Variants in KLHL6 observed in about 807,000 individuals in gnomAD.
The protein encoded by KLHL6 is kelch-like protein 6.
Under a neutral mutation model 58.6 loss-of-function variants are expected in KLHL6, and 41 were observed. The observed-to-expected ratio is 0.70, with a 90% CI of 0.55 to 0.91. KLHL6 has a LOEUF of 0.91. Among genes scored for constraint, KLHL6 ranks in the 40% least tolerant of loss-of-function variants. The probability of loss-of-function intolerance (pLI) is 0.00; values close to 1 mark genes in which losing one functional copy is unlikely to be tolerated. For synonymous variants in KLHL6, 338 were observed against 322.7 expected, an observed-to-expected ratio of 1.05 and a Z score of -0.51; for missense variants, 714 against 805.6, an observed-to-expected ratio of 0.89 and a Z score of 1.38.
chr3:183,543,684 C>A (rs1164227263), intron 1 of KLHL6, among the ~76,000 whole-genome samples: 1 of 152,224 alleles, frequency 6.6e-6, no homozygotes, highest in Admixed American at 6.5e-5. Flanking sequence ...ACTCAGCCCT[C>A]CATAAACCTG....
At position 183,494,101 on chromosome 3, in the gene KLHL6, G is replaced by A. The variant is rs1560090189; in HGVS notation, c.1328C>T (p.Pro443Leu). Residue 443 changes from proline (P) to leucine (L), a missense_variant, in exon 5 of 7, where the codon CCC becomes CTC. Pro to Leu is a moderately conservative substitution (Grantham distance 98). Coordinates refer to ENST00000341319, the MANE Select transcript of KLHL6 (RefSeq NM_130446.4). ...QRINNVETYD[P>L]FHNCWSEAAP... Reference sequence around the variant, plus strand: ...TACCTCTGACCAGCAGTTGTGAAAGGGGTCGTAGGTCTCCACATTGTTGAT... The same window carrying A: ...TACCTCTGACCAGCAGTTGTGAAAGAGGTCGTAGGTCTCCACATTGTTGAT... 1 of 1,614,018 alleles carries A rather than the reference G, an allele frequency of 6.2e-7. No individual in the cohort carries two copies.
Position 183,534,132 on chromosome 3 carries a change from G to A in KLHL6, c.294-6122C>T, listed in dbSNP as rs535753701. 9.6e-3 allele frequency among the ~76,000 whole-genome samples: 154 copies of A among 16,108 alleles called. 3 individuals carry two copies. Among genetic ancestry groups the A allele is most frequent in the African/African-American group, 0.017 (139 of 8,422 alleles). 10.6% of individuals were successfully genotyped at this position (16,108 alleles called of 152,430 possible). A position where few individuals can be genotyped will look rare whatever the true frequency, so the allele number is the denominator to read the frequency against. ...AAGTACTTTACTTTTAAAGTACTTT[G>A]TACTTTTAAAGTACTTTAAAAGTAC... On this transcript the variant is annotated intron_variant, in intron 1 of 6. Coordinates refer to ENST00000341319, the MANE Select transcript of KLHL6 (RefSeq NM_130446.4).
At chr3:183,512,123 C>A (rs1233195104) in intron 2 of KLHL6, among the ~76,000 whole-genome samples, 1 of 152,192 alleles carries the variant, frequency 6.6e-6, no homozygotes, top group Non-Finnish European at 1.5e-5. Flanking sequence ...CTCGTGAGCC[C>A]TCAGAACTGG....
At chr3:183,523,121 A>C (rs1450423930) in intron 2 of KLHL6, 1 of 152,166 alleles carries the variant, frequency 6.6e-6, no homozygotes, top group Admixed American at 6.5e-5. Context: ...AGTTTTTGAG[A>C]AGTCCTTACA....
chr3:183,544,163 CAAA>C (rs56357226), intron 1 of KLHL6, among the ~76,000 whole-genome samples: 17 of 57,006 alleles, frequency 3.0e-4, no homozygotes, highest in African/African-American at 7.2e-4. Flanking sequence ...AACTCAGTCT[CAAA>C]AAAAAAAAAA....
intron 1 of KLHL6, among the ~76,000 whole-genome samples, chr3:183,534,000 A>G (rs1712243779): frequency 7.0e-6 from 1 of 142,088 alleles, no homozygotes; most frequent in South Asian, 2.2e-4. Flanking sequence ...TGACCAATTT[A>G]CAGACCAGTT....
In KLHL6 at chr3:183,548,277, T is replaced by C. The variant is rs75304762; in HGVS notation, c.293+7084A>G. On this transcript the variant is annotated intron_variant, in intron 1 of 6. Transcript: ENST00000341319. Reference sequence around the variant, plus strand: ...ATATGGCACACTCTGTAAGTGACAGTGACCTGTGAGGGCAGCCCTGCTGTG... The same window carrying C: ...ATATGGCACACTCTGTAAGTGACAGCGACCTGTGAGGGCAGCCCTGCTGTG... 1.0e-2 allele frequency among the ~76,000 whole-genome samples: 1,517 copies of C among 152,294 alleles called. 18 individuals are homozygous for C. Among genetic ancestry groups the C allele is most frequent in the African/African-American group, 0.035 (1,441 of 41,556 alleles).
chr3:183,539,843 A>T (rs1468527481), intron 1 of KLHL6, among the ~76,000 whole-genome samples: 12 of 152,184 alleles, frequency 7.9e-5, no homozygotes, highest in Non-Finnish European at 1.5e-4. Flanking sequence ...GAATCCCTCC[A>T]AGTCCCACCA....
At chr3:183,531,804 A>G (rs374404549) in intron 1 of KLHL6, among the ~76,000 whole-genome samples, 46 of 152,254 alleles carry the variant, frequency 3.0e-4, no homozygotes, top group African/African-American at 1.1e-3. Flanking sequence ...TTGTCCCATT[A>G]TTGTATTTTG....
At chr3:183,538,239 A>G (rs1224295771) in intron 1 of KLHL6, among the ~76,000 whole-genome samples, 1 of 152,120 alleles carries the variant, frequency 6.6e-6, no homozygotes, top group Non-Finnish European at 1.5e-5. Flanking sequence ...CCAACTCAGA[A>G]TATTTCACCC....
At chr3:183,522,653 C>T (rs569518328) in intron 2 of KLHL6, 1 of 152,318 alleles carries the variant, frequency 6.6e-6, no homozygotes, top group African/African-American at 2.4e-5. Context: ...CTTCATCAGG[C>T]ACCTATAAAA....
At chr3:183,522,992 A>G (rs1042362605) in intron 2 of KLHL6, 18 of 152,100 alleles carry the variant, frequency 1.2e-4, no homozygotes, top group African/African-American at 4.3e-4. Context: ...TTTAGTAGAG[A>G]CGGGGTTTCA....
At chr3:183,552,572 G>T (rs1712964985) in intron 1 of KLHL6, among the ~76,000 whole-genome samples, 1 of 151,928 alleles carries the variant, frequency 6.6e-6, no homozygotes, top group African/African-American at 2.4e-5. Context: ...CAAAAAATTA[G>T]CCGGGCGTGG....
chr3:183,529,025 T>C (rs1712071903), intron 1 of KLHL6, among the ~76,000 whole-genome samples: 1 of 152,224 alleles, frequency 6.6e-6, no homozygotes, highest in Non-Finnish European at 1.5e-5. Flanking sequence ...GGGGCCATTA[T>C]CCTTAGCAAA....
intron 2 of KLHL6, among the ~76,000 whole-genome samples, chr3:183,512,585 G>C (rs542521250): frequency 1.3e-5 from 2 of 151,714 alleles, no homozygotes; most frequent in African/African-American, 2.4e-5. Context: ...TCCGCCTCCC[G>C]GGTTCAAGAG....
intron 3 of KLHL6, among the ~76,000 whole-genome samples, chr3:183,502,161 G>A (rs1330651623): frequency 2.0e-5 from 3 of 152,114 alleles, no homozygotes; most frequent in Admixed American, 1.3e-4. Context: ...AATTAGCAAG[G>A]TGTGGTGGCA....
At position 183,501,653 on chromosome 3, in the gene KLHL6, C is replaced by T. The variant is rs188621971; in HGVS notation, c.910-1826G>A. ...CACCTCGTTCCTTGGTCCTGACCTA[C>T]GAAAGGCTCTCCTCCTGCTGGCTAA... On this transcript the variant is annotated intron_variant, in intron 3 of 6. Transcript: ENST00000341319. Among the ~76,000 whole-genome samples the T allele has an allele frequency of 2.5e-3, 379 of 152,296 alleles. 1 individual carries two copies. Among genetic ancestry groups the T allele is most frequent in the Non-Finnish European group, 4.4e-3 (298 of 68,028 alleles).
chr3:183,499,901 A>G lies in KLHL6; in HGVS notation c.910-74T>C. 8.7e-7 allele frequency: 1 copy of G among 1,151,786 alleles called. No homozygotes were observed. 71.3% of individuals were successfully genotyped at this position (1,151,786 alleles called of 1,614,324 possible). A position where few individuals can be genotyped will look rare whatever the true frequency, so the allele number is the denominator to read the frequency against. ...GAGCTCGGGCTATGGAGCCATTAGG[A>G]GTCGGGTCCAATTCCCATATCTGCC... On this transcript the variant is annotated intron_variant, in intron 3 of 6. Transcript: ENST00000341319. This position sits in a 1 kb window ranked among gnomAD's most constrained non-coding sequence, Gnocchi z 4.6.
At chr3:183,533,254 T>TTTCC (rs200052257) in intron 1 of KLHL6, among the ~76,000 whole-genome samples, 1,642 of 151,824 alleles carry the variant, frequency 0.011, 38 homozygotes, top group African/African-American at 0.036. Context: ...TCATCAGTTC[T>TTTCC]TTCCTTCCTT....
Sources: allele counts gnomAD v4.1 joint callset (sites outside exome capture counted in the v4.1 genomes callset), GRCh38; gene constraint gnomAD v4.1.1; non-coding constraint Gnocchi (gnomAD v3.1); transcripts MANE v1.5; gene names NCBI Gene and HGNC (gene_info 2026-07-23, HGNC 2026-07-21).